The following TTC3 variants were observed in gnomAD, a reference collection of about 807,000 sequenced individuals.
The protein encoded by TTC3 is tetratricopeptide repeat domain 3, also known as E3 ubiquitin-protein ligase TTC3.
A neutral mutation model predicts 249.6 loss-of-function variants in TTC3; 180 were observed. That is an observed-to-expected ratio of 0.72 (90% CI 0.64 to 0.82). The LOEUF is 0.82. Ranked by LOEUF, TTC3 falls within the 40% of genes least tolerant of loss-of-function variation. The pLI, the probability that TTC3 is intolerant of heterozygous loss-of-function variation, is 0.00. For missense variants in TTC3, 2,061 were observed against 2,398.4 expected, an observed-to-expected ratio of 0.86 and a Z score of 2.94; for synonymous variants, 717 against 805.0, an observed-to-expected ratio of 0.89 and a Z score of 1.85.
At chr21:37,176,245 A>C (rs1164111118) in intron 35 of TTC3, among the ~76,000 whole-genome samples, 2 of 152,230 alleles carry the variant, frequency 1.3e-5, no homozygotes, top group African/African-American at 4.8e-5. Flanking sequence ...TGTTTTAACC[A>C]TTACAAAGTA....
chr21:37,196,237 C>CTTTTT (rs35693053), intron 42 of TTC3, among the ~76,000 whole-genome samples: 6 of 120,344 alleles, frequency 5.0e-5, no homozygotes, highest in South Asian at 2.7e-4. Flanking sequence ...TTTTTTCTTT[C>CTTTTT]TTTTTTTTTT....
intron 16 of TTC3, among the ~76,000 whole-genome samples, chr21:37,131,299 G>A (rs918136452): frequency 3.9e-5 from 6 of 152,136 alleles, no homozygotes; most frequent in Admixed American, 6.5e-5. Flanking sequence ...AGGAGAGGAG[G>A]GGGGCTGGAA....
At chr21:37,172,453 C>T in intron 34 of TTC3, 142 bp from the exon 35 acceptor site, 1 of 901,096 alleles carries the variant, frequency 1.1e-6, no homozygotes, top group Non-Finnish European at 1.6e-6. Flanking sequence ...GTTTTTAATT[C>T]CTGAATGATT....
intron 10 of TTC3, among the ~76,000 whole-genome samples, chr21:37,106,810 G>A (rs1056377843): frequency 4.6e-5 from 7 of 152,148 alleles, no homozygotes; most frequent in African/African-American, 1.7e-4. Context: ...GGTGGGAGGA[G>A]CGCTTGAGCC....
intron 34 of TTC3, among the ~76,000 whole-genome samples, chr21:37,168,525 T>C (rs2081442902): frequency 6.6e-6 from 1 of 152,074 alleles, no homozygotes; most frequent in South Asian, 2.1e-4. Context: ...CTTAAATGTA[T>C]ATAAAGAAAA....
chr21:37,104,789 A>G (rs760960821), intron 10 of TTC3, among the ~76,000 whole-genome samples: 2 of 152,176 alleles, frequency 1.3e-5, no homozygotes, highest in South Asian at 2.1e-4. Context: ...CCTGGACTGC[A>G]CTTTGGAATC....
intron 10 of TTC3, among the ~76,000 whole-genome samples, chr21:37,107,532 T>C (rs2075201117): frequency 6.6e-6 from 1 of 152,212 alleles, no homozygotes. Context: ...TAATGTAGTA[T>C]CTAATTTAAT....
chr21:37,148,448 A>T (rs573555469), intron 22 of TTC3, 98 bp from the exon 23 acceptor site: 22 of 536,626 alleles, frequency 4.1e-5, no homozygotes, highest in African/African-American at 3.9e-4. Context: ...GGAAATAAAT[A>T]TGTTAGTCAA....
intron 11 of TTC3, among the ~76,000 whole-genome samples, chr21:37,111,092 G>A (rs1236906246): frequency 6.6e-6 from 1 of 152,150 alleles, no homozygotes; most frequent in Non-Finnish European, 1.5e-5. Context: ...ACCAGCCACT[G>A]CAAAAACATG....
intron 7 of TTC3, 126 bp from the exon 8 acceptor site, chr21:37,093,879 T>G (rs2073614383): frequency 9.0e-6 from 5 of 555,100 alleles, no homozygotes; most frequent in Non-Finnish European, 1.6e-5. Context: ...ATGTGCTATT[T>G]AGAAAGAATA....
intron 35 of TTC3, among the ~76,000 whole-genome samples, chr21:37,174,987 G>A (rs2082113630): frequency 6.6e-6 from 1 of 152,006 alleles, no homozygotes; most frequent in South Asian, 2.1e-4. Context: ...CAGGCGCGGT[G>A]GCTCACACCT....
chr21:37,083,133 A>G (rs575532357), intron 1 of TTC3: 1 of 985,400 alleles, frequency 1.0e-6, no homozygotes, highest in East Asian at 1.1e-4. Context: ...ACTTGATGGT[A>G]GTGGGAAGAT....
chr21:37,129,444 A>G (rs1337409283), intron 16 of TTC3, among the ~76,000 whole-genome samples: 12 of 152,164 alleles, frequency 7.9e-5, no homozygotes, highest in Non-Finnish European at 5.9e-5. Flanking sequence ...CCAGGAATAC[A>G]CTGTTAACAG....
intron 16 of TTC3, among the ~76,000 whole-genome samples, chr21:37,129,667 A>G (rs1331466114): frequency 4.6e-5 from 7 of 151,934 alleles, no homozygotes; most frequent in Admixed American, 3.9e-4. Context: ...GTCTTGCTCT[A>G]TCACTTAGGC....
At chr21:37,100,959 A>G (rs114642612) in intron 10 of TTC3, 88 of 152,358 alleles carry the variant, frequency 5.8e-4, no homozygotes, top group African/African-American at 1.9e-3. Context: ...TGCAGTTCCA[A>G]CAGCTTATGT....
intron 1 of TTC3, chr21:37,083,508 T>C: frequency 4.8e-6 from 3 of 619,102 alleles, no homozygotes; most frequent in Non-Finnish European, 6.1e-6. Flanking sequence ...AAGAAGTATA[T>C]GTGTGCTAAT....
At chr21:37,199,360 T>C (rs2085266111) in intron 44 of TTC3, among the ~76,000 whole-genome samples, 2 of 152,222 alleles carry the variant, frequency 1.3e-5, no homozygotes, top group Non-Finnish European at 2.9e-5. Flanking sequence ...TAAGAGGCAG[T>C]GAGCTAGAGT....
At chr21:37,180,493 A>G (rs1040929848) in intron 35 of TTC3, among the ~76,000 whole-genome samples, 2 of 151,012 alleles carry the variant, frequency 1.3e-5, no homozygotes, top group African/African-American at 4.9e-5. Flanking sequence ...CATCATTCTC[A>G]GTAAACTATC....
In TTC3 at chr21:37,090,206, A is replaced by G. The variant is rs763481145; in HGVS notation, c.427-27A>G. On this transcript the variant is annotated intron_variant, in intron 5 of 45. Coordinates refer to ENST00000355666, the Ensembl canonical transcript of TTC3. ...CAAGTAGAATTGACTGAATAAGGAA[A>G]AAATATGTCCTTTTTTTATTTTTCA... 5.1e-6 allele frequency: 8 copies of G among 1,569,462 alleles called. No homozygotes were observed. The East Asian group carries it at 1.6e-4, about 31-fold the overall frequency.
Sources: gnomAD v4.1 joint callset for allele counts (sites outside exome capture counted in the v4.1 genomes callset) on GRCh38, gnomAD v4.1.1 for gene constraint, MANE v1.5 for transcripts, NCBI Gene and HGNC (gene_info 2026-07-23, HGNC 2026-07-21) for gene names.